The following FAM76B variants were observed in gnomAD, a reference collection of about 807,000 sequenced individuals.
FAM76B encodes family with sequence similarity 76 member B.
Under a neutral mutation model 51.8 loss-of-function variants are expected in FAM76B, and 16 were observed. The ratio of observed to expected loss-of-function variants is 0.31; its 90% CI spans 0.21 to 0.47. The LOEUF (loss-of-function observed/expected upper bound fraction) is 0.47. Ranked by LOEUF, FAM76B falls within the 20% of genes least tolerant of loss-of-function variation. FAM76B has a pLI of 1.00. For synonymous variants in FAM76B, 166 were observed against 129.5 expected, an observed-to-expected ratio of 1.28 and a Z score of -1.91; for missense variants, 342 against 392.6, an observed-to-expected ratio of 0.87 and a Z score of 1.09.
intron 5 of FAM76B, among the ~76,000 whole-genome samples, chr11:95,780,324 C>G (rs1192583680): frequency 6.6e-6 from 1 of 151,818 alleles, no homozygotes; most frequent in East Asian, 1.9e-4. Context: ...AGTAGAGATT[C>G]TTCTTTTGGA....
chr11:95,776,848 C>T (rs1203320150), intron 8 of FAM76B, among the ~76,000 whole-genome samples: 1 of 150,954 alleles, frequency 6.6e-6, no homozygotes, highest in East Asian at 1.9e-4. Flanking sequence ...ACACATTCTC[C>T]TTTGTAATTA....
intron 9 of FAM76B, among the ~76,000 whole-genome samples, chr11:95,772,288 ACAT>A (rs1195889635): frequency 4.6e-5 from 7 of 151,164 alleles, no homozygotes; most frequent in Non-Finnish European, 1.0e-4. Context: ...GAGCAGTTCC[ACAT>A]CATCATTTCC....
chr11:95,786,351 A>T (rs1362015627), intron 3 of FAM76B, 77 bp from the exon 4 acceptor site: 2 of 1,459,482 alleles, frequency 1.4e-6, no homozygotes, highest in Admixed American at 4.7e-5. Flanking sequence ...TGTTGTAGAC[A>T]TATTTCTGGA....
At chr11:95,780,472 G>A (rs1057014014) in intron 5 of FAM76B, among the ~76,000 whole-genome samples, 4 of 151,842 alleles carry the variant, frequency 2.6e-5, no homozygotes, top group African/African-American at 7.3e-5. Context: ...GAGAAGTTAC[G>A]CTGAAACTAT....
At position 95,779,521 on chromosome 11, in the gene FAM76B, A is replaced by G. The variant is rs1254560526; in HGVS notation, c.692+86T>C. 6 of 1,141,930 alleles carry G rather than the reference A, an allele frequency of 5.3e-6. No individual in the cohort carries two copies. In the East Asian group the frequency reaches 7.5e-5, roughly 14 times the overall value. The allele number at this position is 1,141,930 out of a possible 1,614,324, so 70.7% of individuals were successfully genotyped here. ...GTCAATGTAGAAAATACATGTTTCT[A>G]TTTTTTTATCTAGTAATAACTGGCA... On this transcript the variant is annotated intron_variant, in intron 7 of 9. Transcript: ENST00000358780.
At chr11:95,775,360 C>A (rs10831429) in intron 9 of FAM76B, among the ~76,000 whole-genome samples, 52,411 of 151,184 alleles carry the variant, frequency 0.35, 9,800 homozygotes, top group Non-Finnish European at 0.42. Flanking sequence ...TATACTTAAA[C>A]TGCTACTTTG....
At chr11:95,788,772 G>A (rs944740514) in intron 1 of FAM76B, 1 of 1,424,568 alleles carries the variant, frequency 7.0e-7, no homozygotes, top group Admixed American at 2.2e-5. Context: ...TTTAGTAGAC[G>A]TGGGGGTATA....
chr11:95,779,914 T>TA lies in FAM76B; in HGVS notation c.575dup (p.Ser193LysfsTer14). On this transcript the variant is annotated frameshift_variant, in exon 6 of 10. Transcript: ENST00000358780. LOFTEE classifies it high-confidence loss of function. Reference sequence around the variant, plus strand: ...ACAGTCCCTGCTCTTCTTCTGGACTTAGATTGCTGATTCTGAAAAATACAC... The same window carrying TA: ...ACAGTCCCTGCTCTTCTTCTGGACTTAAGATTGCTGATTCTGAAAAATACAC... 6.2e-7 allele frequency: 1 copy of TA among 1,604,820 alleles called. No individual in the cohort carries two copies.
At chr11:95,778,342 A>G (rs1860101234) in intron 8 of FAM76B, among the ~76,000 whole-genome samples, 1 of 151,484 alleles carries the variant, frequency 6.6e-6, no homozygotes, top group Non-Finnish European at 1.5e-5. Flanking sequence ...ATGAGCTTTT[A>G]GACATCTATT....
chr11:95,775,882 C>T, intron 9 of FAM76B, 40 bp downstream of exon 9: 2 of 1,375,100 alleles, frequency 1.5e-6, no homozygotes, highest in African/African-American at 1.5e-5. Context: ...TCAAGTTTAG[C>T]CCTTCTTGCC....
In FAM76B at chr11:95,778,886, TC is replaced by T; in HGVS notation, c.763del (p.Glu255LysfsTer2). ...TAAGAGACGCTTAAGTGACATCACT[TC>T]TTCTTTCAATTGACTTATAAGGACA... ...NFVLISQLKE[E>X]VMSLKRLLQQ... On this transcript the variant is annotated frameshift_variant, in exon 8 of 10. Coordinates refer to ENST00000358780, the MANE Select transcript of FAM76B (RefSeq NM_144664.5). LOFTEE classifies it high-confidence loss of function. 6.2e-7 allele frequency: 1 copy of T among 1,611,082 alleles called. No homozygotes were observed.
At chr11:95,783,401 T>C (rs1052631964) in intron 4 of FAM76B, 137 bp from the exon 5 acceptor site, 1 of 639,598 alleles carries the variant, frequency 1.6e-6, no homozygotes, top group East Asian at 2.8e-5. Flanking sequence ...TATTCACGGA[T>C]TTTCTGCAAA....
Position 95,771,461 on chromosome 11 carries a change from G to T in FAM76B, c.*100C>A. On this transcript the variant is annotated 3_prime_UTR_variant, in exon 10 of 10. Coordinates refer to ENST00000358780, the MANE Select transcript of FAM76B (RefSeq NM_144664.5). Reference sequence around the variant, plus strand: ...CAGGAAACACACCAATTCATTTGGTGTGCAAAAATATTTTTCTACTACACA... The same window carrying T: ...CAGGAAACACACCAATTCATTTGGTTTGCAAAAATATTTTTCTACTACACA... The T allele has an allele frequency of 1.3e-6, 1 of 775,118 alleles. No individual in the cohort carries two copies. Among genetic ancestry groups the T allele is most frequent in the Non-Finnish European group, 2.1e-6 (1 of 482,404 alleles). The allele number at this position is 775,118 out of a possible 1,614,324, so 48.0% of individuals were successfully genotyped here. A position where few individuals can be genotyped will look rare whatever the true frequency, so the allele number is the denominator to read the frequency against.
Position 95,785,884 on chromosome 11 carries a change from G to A in FAM76B, c.363+235C>T, listed in dbSNP as rs573200463. On this transcript the variant is annotated intron_variant, in intron 4 of 9. Transcript: ENST00000358780. ...AGTTAAATCTCCTGAACCAAATGTG[G>A]GATAGCCAACTAGTACAGAATAGCC... is the stretch of plus-strand genomic sequence containing the variant. 2.8e-4 allele frequency among the ~76,000 whole-genome samples: 42 copies of A among 152,190 alleles called. No individual in the cohort carries two copies. In the Middle Eastern group the frequency reaches 0.01, roughly 37 times the overall value.
At chr11:95,775,099 T>C (rs1859937767) in intron 9 of FAM76B, among the ~76,000 whole-genome samples, 1 of 151,400 alleles carries the variant, frequency 6.6e-6, no homozygotes, top group Non-Finnish European at 1.5e-5. Context: ...CCATCTTCCA[T>C]TAACATTTAA....
At chr11:95,786,710 A>G (rs1412091579) in intron 3 of FAM76B, 1 of 154,390 alleles carries the variant, frequency 6.5e-6, no homozygotes, top group Non-Finnish European at 1.4e-5. Flanking sequence ...GGTACAAATC[A>G]TATAAGGAAT....
At chr11:95,776,795 G>C (rs1042169707) in intron 8 of FAM76B, among the ~76,000 whole-genome samples, 14 of 151,114 alleles carry the variant, frequency 9.3e-5, no homozygotes, top group Non-Finnish European at 1.5e-5. Flanking sequence ...GGGAACTCCA[G>C]GTTATTTTTT....
rs997289277 is a variant in FAM76B, at chr11:95,769,865, A to G, written c.*1696T>C. ...TTTTGTATCACTTGAAAATTACCCTATATTATGCTTTCAAAATGGACAAAG... is the reference window on the plus strand; with the variant it reads ...TTTTGTATCACTTGAAAATTACCCTGTATTATGCTTTCAAAATGGACAAAG... On this transcript the variant is annotated 3_prime_UTR_variant, in exon 10 of 10. Transcript: ENST00000358780. The G allele has an allele frequency of 6.6e-6, 1 of 151,440 alleles. No homozygotes were observed. The highest frequency in any genetic ancestry group is 2.4e-5 in the African/African-American group (1 of 41,360). The allele number at this position is 151,440 out of a possible 1,614,324, so 9.4% of individuals were successfully genotyped here. A position where few individuals can be genotyped will look rare whatever the true frequency, so the allele number is the denominator to read the frequency against.
intron 9 of FAM76B, 83 bp downstream of exon 9, chr11:95,775,839 C>T (rs1477511178): frequency 2.3e-5 from 19 of 824,678 alleles, no homozygotes; most frequent in Admixed American, 3.4e-5. Flanking sequence ...AATAGGGCTA[C>T]CAATAACAAT....
Sources: allele counts gnomAD v4.1 joint callset (sites outside exome capture counted in the v4.1 genomes callset), GRCh38; gene constraint gnomAD v4.1.1; transcripts MANE v1.5; gene names NCBI Gene and HGNC (gene_info 2026-07-23, HGNC 2026-07-21).